The following PDS5B variants were observed in gnomAD, a reference collection of about 807,000 sequenced individuals.
PDS5B encodes the protein PDS5 cohesin associated factor B, also known as sister chromatid cohesion protein PDS5 homolog B.
PDS5B carries 51 observed loss-of-function variants against 184.1 expected under a neutral mutation model. The observed-to-expected ratio is 0.28, with a 90% CI of 0.22 to 0.35. The LOEUF is 0.35. Among genes scored for constraint, PDS5B ranks in the 10% least tolerant of loss-of-function variants. The probability of loss-of-function intolerance (pLI) is 1.00; values close to 1 mark genes in which losing one functional copy is unlikely to be tolerated. For missense variants in PDS5B, 1,180 were observed against 1,723.3 expected, an observed-to-expected ratio of 0.68 and a Z score of 5.58; for synonymous variants, 566 against 569.2, an observed-to-expected ratio of 0.99 and a Z score of 0.08.
chr13:32,747,715 A>G (rs1456876137), intron 24 of PDS5B, among the ~76,000 whole-genome samples: 1 of 152,262 alleles, frequency 6.6e-6, no homozygotes, highest in Non-Finnish European at 1.5e-5. Context: ...GTTTCTTAGA[A>G]GAAACCAACA....
At chr13:32,653,984 A>G (rs1950434669) in intron 3 of PDS5B, among the ~76,000 whole-genome samples, 1 of 152,232 alleles carries the variant, frequency 6.6e-6, no homozygotes, top group Non-Finnish European at 1.5e-5. Flanking sequence ...GAATAGCTAC[A>G]TATCTGTTCT....
intron 33 of PDS5B, among the ~76,000 whole-genome samples, chr13:32,771,779 T>C (rs1353799320): frequency 1.3e-5 from 2 of 152,132 alleles, no homozygotes; most frequent in Non-Finnish European, 1.5e-5. Context: ...TAAGGAATCC[T>C]TTATTTAATA....
chr13:32,683,863 A>G lies in PDS5B; in HGVS notation c.1058-15A>G. 1 of 1,554,192 alleles carries G rather than the reference A, an allele frequency of 6.4e-7. No homozygotes were observed. On this transcript the variant is annotated splice_polypyrimidine_tract_variant and intron_variant, in intron 10 of 34. Coordinates refer to ENST00000315596, the MANE Select transcript of PDS5B (RefSeq NM_015032.4). Reference sequence around the variant, plus strand: ...GTTATTAAAATTTCCACTGTAATAAAATGTTATCTTTCAGAGTATCTTAAA... The same window carrying G: ...GTTATTAAAATTTCCACTGTAATAAGATGTTATCTTTCAGAGTATCTTAAA...
At chr13:32,716,798 G>T (rs1952447318) in intron 19 of PDS5B, among the ~76,000 whole-genome samples, 1 of 140,926 alleles carries the variant, frequency 7.1e-6, no homozygotes, top group Non-Finnish European at 1.6e-5. Flanking sequence ...GAGGTGGGGG[G>T]GTCAGCCCCC....
At chr13:32,607,532 G>A (rs9595902) in intron 1 of PDS5B, among the ~76,000 whole-genome samples, 40,995 of 152,188 alleles carry the variant, frequency 0.27, 6,705 homozygotes, top group Non-Finnish European at 0.37. Flanking sequence ...GAGGCAGCCT[G>A]TCCATTCTCA....
chr13:32,764,431 G>T (rs747282017), intron 30 of PDS5B, 58 bp from the exon 31 acceptor site: 11 of 1,095,058 alleles, frequency 1.0e-5, no homozygotes, highest in Non-Finnish European at 1.4e-5. Flanking sequence ...ACTAGGAACA[G>T]AAAAAGCTTG....
At chr13:32,683,324 T>C (rs1468057285) in intron 10 of PDS5B, among the ~76,000 whole-genome samples, 1 of 148,582 alleles carries the variant, frequency 6.7e-6, no homozygotes, top group East Asian at 2.0e-4. Flanking sequence ...AATTTTTTTT[T>C]TTTTTTTTTT....
chr13:32,667,964 A>G lies in PDS5B; in HGVS notation c.705+120A>G, dbSNP rs557455086. The G allele has an allele frequency of 2.9e-5, 14 of 481,820 alleles. No individual in the cohort carries two copies. The South Asian group carries it at 6.3e-4, about 22-fold the overall frequency. The allele number at this position is 481,820 out of a possible 1,614,324, so 29.8% of individuals were successfully genotyped here. A position where few individuals can be genotyped will look rare whatever the true frequency, so the allele number is the denominator to read the frequency against. On this transcript the variant is annotated intron_variant, in intron 7 of 34. Transcript: ENST00000315596. ...AAAACAACAAATTTGTGTTGTTTTA[A>G]CCCTTAAGTAATATATTTTCTTTCT...
At chr13:32,746,344 G>T (rs61945172) in intron 24 of PDS5B, among the ~76,000 whole-genome samples, 372 of 152,290 alleles carry the variant, frequency 2.4e-3, no homozygotes, top group Admixed American at 5.8e-3. Context: ...CAGGCATTCA[G>T]TTAGCAGATA....
chr13:32,665,222 A>G lies in PDS5B; in HGVS notation c.625-2542A>G, dbSNP rs59816784. 3.9e-3 allele frequency among the ~76,000 whole-genome samples: 592 copies of G among 152,340 alleles called. 4 individuals are homozygous for G. The highest frequency in any genetic ancestry group is 0.014 in the African/African-American group (564 of 41,578). On this transcript the variant is annotated intron_variant, in intron 6 of 34. Transcript: ENST00000315596. ...ATAATAAAAATTAGCTACTTAGACC[A>G]TACATAAGAATAAATTACAGGTGCA...
intron 16 of PDS5B, among the ~76,000 whole-genome samples, chr13:32,700,392 T>C (rs1951832949): frequency 6.6e-6 from 1 of 152,106 alleles, no homozygotes; most frequent in African/African-American, 2.4e-5. Context: ...GTGACCATTT[T>C]CTCACACACA....
At chr13:32,710,989 C>A (rs9591261) in intron 19 of PDS5B, among the ~76,000 whole-genome samples, 56,169 of 151,508 alleles carry the variant, frequency 0.37, 11,003 homozygotes, top group Non-Finnish European at 0.44. Context: ...TTATTATTTT[C>A]TTTTTTTCTT....
intron 24 of PDS5B, among the ~76,000 whole-genome samples, chr13:32,749,045 G>A (rs1030090001): frequency 3.3e-5 from 5 of 152,014 alleles, no homozygotes; most frequent in African/African-American, 1.2e-4. Flanking sequence ...TATTTAGGGG[G>A]TTGATGCTTG....
chr13:32,741,854 T>G (rs887405115), intron 22 of PDS5B, among the ~76,000 whole-genome samples: 1 of 152,120 alleles, frequency 6.6e-6, no homozygotes, highest in African/African-American at 2.4e-5. Flanking sequence ...CAATGAATGA[T>G]GCTTGATACT....
intron 1 of PDS5B, among the ~76,000 whole-genome samples, chr13:32,623,647 T>G (rs2058331939): frequency 6.6e-6 from 1 of 152,148 alleles, no homozygotes. Flanking sequence ...CATACCCACC[T>G]TTCTGATTGT....
chr13:32,740,625 T>C (rs1953506740), intron 21 of PDS5B, among the ~76,000 whole-genome samples: 1 of 152,134 alleles, frequency 6.6e-6, no homozygotes, highest in Non-Finnish European at 1.5e-5. Flanking sequence ...TTGCACATGA[T>C]CACCTCAGGA....
In PDS5B at chr13:32,776,549, CATTTTAGT is replaced by C. The variant is rs747595161; in HGVS notation, c.*1505_*1512del. On this transcript the variant is annotated 3_prime_UTR_variant, in exon 35 of 35. Transcript: ENST00000315596. The stretch of plus-strand genomic sequence containing the variant: ...TTACTACTTAATGCTTACCTAATTT[CATTTTAGT>C]ATTTTAGGTGCTGTTATGTTTTTTC... The C allele has an allele frequency of 6.6e-6, 1 of 151,876 alleles. No individual in the cohort carries two copies. The highest frequency in any genetic ancestry group is 1.5e-5 in the Non-Finnish European group (1 of 67,908). 9.4% of individuals were successfully genotyped at this position (151,876 alleles called of 1,614,324 possible). A position where few individuals can be genotyped will look rare whatever the true frequency, so the allele number is the denominator to read the frequency against.
chr13:32,743,635 G>A (rs1400932875), intron 23 of PDS5B, among the ~76,000 whole-genome samples: 1 of 151,754 alleles, frequency 6.6e-6, no homozygotes, highest in African/African-American at 2.4e-5. Flanking sequence ...TTTCCATCTT[G>A]TATGTTTTGC....
intron 19 of PDS5B, among the ~76,000 whole-genome samples, chr13:32,715,805 C>T (rs1436936046): frequency 1.6e-4 from 25 of 152,068 alleles, no homozygotes; most frequent in Middle Eastern, 3.4e-3. Context: ...ATTGCAGGTG[C>T]GCGCCGCCAC....
Sources: allele counts gnomAD v4.1 joint callset (sites outside exome capture counted in the v4.1 genomes callset), GRCh38; gene constraint gnomAD v4.1.1; transcripts MANE v1.5; gene names NCBI Gene and HGNC (gene_info 2026-07-23, HGNC 2026-07-21).